CFAP100: variants seen among roughly 807,000 people sequenced by gnomAD.
CFAP100 encodes cilia and flagella associated protein 100.
In CFAP100, 70 loss-of-function variants were observed where a neutral mutation model predicts 81.5. That is an observed-to-expected ratio of 0.86 (90% CI 0.71 to 1.05). CFAP100 has a LOEUF of 1.05. Ranked by LOEUF, CFAP100 falls within the 50% of genes least tolerant of loss-of-function variation. The pLI is 0.00. For synonymous variants in CFAP100, 341 were observed against 314.8 expected, an observed-to-expected ratio of 1.08 and a Z score of -0.88; for missense variants, 811 against 776.5, an observed-to-expected ratio of 1.04 and a Z score of -0.53.
At chr3:126,426,242 C>T (rs1434682619) in intron 13 of CFAP100, among the ~76,000 whole-genome samples, 1 of 152,146 alleles carries the variant, frequency 6.6e-6, no homozygotes, top group African/African-American at 2.4e-5. Context: ...GCAGGAAGAT[C>T]ACTTGAGGCC....
chr3:126,396,057 C>T lies in CFAP100; in HGVS notation c.49+8C>T. 2 of 1,612,998 alleles carry T rather than the reference C, an allele frequency of 1.2e-6. No individual in the cohort carries two copies. Among genetic ancestry groups the T allele is most frequent in the South Asian group, 1.1e-5 (1 of 91,062 alleles). ...AGAACATGACCAATGACAGTAAGTA[C>T]CGGGCCAGGGTGGGCACTCTCAGAG... is the stretch of plus-strand genomic sequence containing the variant. On this transcript the variant is annotated splice_region_variant and intron_variant, in intron 2 of 16. Transcript: ENST00000352312.
chr3:126,414,457 G>T, intron 4 of CFAP100: 3 of 615,570 alleles, frequency 4.9e-6, no homozygotes, highest in South Asian at 1.9e-5. Flanking sequence ...CAGCCACCTC[G>T]CCGCCACTTC....
chr3:126,397,560 C>A (rs936457819), intron 2 of CFAP100, among the ~76,000 whole-genome samples: 1 of 152,132 alleles, frequency 6.6e-6, no homozygotes, highest in African/African-American at 2.4e-5. Context: ...GTTGGGGTAC[C>A]CTATGACCCT....
rs527421369 is a variant in CFAP100 at position 126,436,224 on chromosome 3, G to C, written c.1723-67G>C. ...AGCTGCTGGGCCTCTCCCTGCACCAGGGGCAGGGGTATATGGGCATACGGC... is the reference window on the plus strand; with the variant it reads ...AGCTGCTGGGCCTCTCCCTGCACCACGGGCAGGGGTATATGGGCATACGGC... On this transcript the variant is annotated intron_variant, in intron 16 of 16. Transcript: ENST00000352312. 2.3e-6 allele frequency: 3 copies of C among 1,277,870 alleles called. No homozygotes were observed. In the South Asian group the frequency reaches 3.7e-5, roughly 16 times the overall value. 79.2% of individuals were successfully genotyped at this position (1,277,870 alleles called of 1,614,324 possible). A position where few individuals can be genotyped will look rare whatever the true frequency, so the allele number is the denominator to read the frequency against.
chr3:126,420,356 G>A, intron 11 of CFAP100, 127 bp downstream of exon 11: 1 of 1,353,584 alleles, frequency 7.4e-7, no homozygotes, highest in East Asian at 2.4e-5. Context: ...CCTACTCCAA[G>A]AAGGGCCAGA....
chr3:126,419,037 C>T (rs993583490), intron 7 of CFAP100, 39 bp from the exon 8 acceptor site: 4 of 991,434 alleles, frequency 4.0e-6, no homozygotes, highest in East Asian at 2.6e-5. Context: ...CCACTGGCCC[C>T]TTGCCCCCAT....
At chr3:126,420,369 G>A in intron 11 of CFAP100, 140 bp downstream of exon 11, 1 of 1,274,220 alleles carries the variant, frequency 7.8e-7, no homozygotes, top group East Asian at 2.4e-5. Flanking sequence ...GGGCCAGACA[G>A]GGACGTCCCA....
chr3:126,423,216 G>C (rs1321624947), intron 11 of CFAP100, 109 bp from the exon 12 acceptor site: 1 of 851,272 alleles, frequency 1.2e-6, no homozygotes, highest in Non-Finnish European at 1.8e-6. Flanking sequence ...GCAGCTGGGA[G>C]AGGAGGGATG....
At chr3:126,432,091 T>C (rs1468492936) in intron 13 of CFAP100, among the ~76,000 whole-genome samples, 1 of 151,962 alleles carries the variant, frequency 6.6e-6, no homozygotes, top group Non-Finnish European at 1.5e-5. Flanking sequence ...CCATCCTGGC[T>C]AACACAGTGA....
chr3:126,419,687 A>T lies in CFAP100; in HGVS notation c.782A>T (p.Asp261Val). 1 of 1,614,048 alleles carries T rather than the reference A, an allele frequency of 6.2e-7. No homozygotes were observed. Among genetic ancestry groups the T allele is most frequent in the Non-Finnish European group, 8.5e-7 (1 of 1,180,026 alleles). Residue 261 changes from aspartate to valine, a missense_variant, in exon 9 of 17, where the codon GAT becomes GTT. Physicochemically the swap from Asp to Val is radical, Grantham distance 152. Transcript: ENST00000352312. ...DTLKHYKVYKDFLYKLSPKEW... is the reference protein window; with the variant it reads ...DTLKHYKVYKVFLYKLSPKEW... Reference sequence around the variant, plus strand: ...CTGAAGCATTACAAGGTCTATAAGGATTTCCTATACAAGCTGTCGCCCAAG... The same window carrying T: ...CTGAAGCATTACAAGGTCTATAAGGTTTTCCTATACAAGCTGTCGCCCAAG...
chr3:126,397,747 G>T (rs887303227), intron 2 of CFAP100, among the ~76,000 whole-genome samples: 3 of 152,244 alleles, frequency 2.0e-5, no homozygotes, highest in African/African-American at 7.2e-5. Flanking sequence ...CAGTCAAGAG[G>T]ACTGCTGAGC....
intron 9 of CFAP100, 32 bp from the exon 10 acceptor site, chr3:126,419,948 G>C: frequency 3.7e-6 from 6 of 1,612,838 alleles, no homozygotes; most frequent in Non-Finnish European, 5.1e-6. Context: ...CTGCAGCTGA[G>C]GCCATCGGGG....
chr3:126,434,378 T>A lies in CFAP100; in HGVS notation c.1625T>A (p.Ile542Asn), dbSNP rs750691033. The change falls in exon 15 of 17, where the codon ATC becomes AAC. Residue 542 changes from isoleucine (I) to asparagine (N), a missense_variant. Transcript: ENST00000352312. Reference sequence around the variant, plus strand: ...AGGGCAAAGGAGAAGGAGCGGCGCATCAGGTGAGCTCTAGGCTCTCCCTGC... The same window carrying A: ...AGGGCAAAGGAGAAGGAGCGGCGCAACAGGTGAGCTCTAGGCTCTCCCTGC... ...AERAKEKERRIRLREEKLQMQ... is the reference protein window; with the variant it reads ...AERAKEKERRNRLREEKLQMQ... The A allele has an allele frequency of 1.2e-6, 2 of 1,612,026 alleles. No individual in the cohort carries two copies. Among genetic ancestry groups the A allele is most frequent in the South Asian group, 1.1e-5 (1 of 90,746 alleles).
chr3:126,435,687 G>C, intron 16 of CFAP100, 35 bp downstream of exon 16: 1 of 1,563,836 alleles, frequency 6.4e-7, no homozygotes. Context: ...CTCTGCTGGA[G>C]GGGGTCCCAA....
chr3:126,405,733 C>G (rs1183978711), intron 2 of CFAP100, among the ~76,000 whole-genome samples: 40 of 152,110 alleles, frequency 2.6e-4, no homozygotes, highest in Admixed American at 2.6e-3. Context: ...TTCATCATAT[C>G]AATACATCAA....
Position 126,434,387 on chromosome 3 carries a change from C to T in CFAP100, c.1628+6C>T, listed in dbSNP as rs756662162. On this transcript the variant is annotated splice_donor_region_variant and intron_variant, in intron 15 of 16. Coordinates refer to ENST00000352312, the MANE Select transcript of CFAP100 (RefSeq NM_182628.3). ...GAGAAGGAGCGGCGCATCAGGTGAGCTCTAGGCTCTCCCTGCCAGCTGCTG... is the reference window on the plus strand; with the variant it reads ...GAGAAGGAGCGGCGCATCAGGTGAGTTCTAGGCTCTCCCTGCCAGCTGCTG... 3.1e-6 allele frequency: 5 copies of T among 1,608,158 alleles called. No homozygotes were observed. The highest frequency in any genetic ancestry group is 3.3e-5 in the Admixed American group (2 of 59,746).
chr3:126,434,208 G>A lies in CFAP100; in HGVS notation c.1455G>A (p.Val485=). The A allele has an allele frequency of 1.2e-6, 2 of 1,613,700 alleles. No homozygotes were observed. Among genetic ancestry groups the A allele is most frequent in the Non-Finnish European group, 1.7e-6 (2 of 1,179,902 alleles). The change falls in exon 15 of 17, where the codon GTG becomes GTA. Residue 485 remains valine (V), a synonymous_variant. Transcript: ENST00000352312. ...TGCTAGAGAGCCTGAACTGCAAGGT[G>A]CTGGATGTGTACCGGCACTGCACCG... ...DKLLESLNCK[V]LDVYRHCTGT...
chr3:126,398,453 C>T (rs556717096), intron 2 of CFAP100, among the ~76,000 whole-genome samples: 1 of 152,340 alleles, frequency 6.6e-6, no homozygotes, highest in East Asian at 1.9e-4. Flanking sequence ...GAGAGGCTTG[C>T]CCCTGCTGAA....
chr3:126,436,337 T>C lies in CFAP100; in HGVS notation c.1769T>C (p.Ile590Thr). Residue 590 changes from isoleucine to threonine, a missense_variant, in exon 17 of 17, where the codon ATC becomes ACC. Coordinates refer to ENST00000352312, the MANE Select transcript of CFAP100 (RefSeq NM_182628.3). ...VCRSRPPAHR[I>T]KQQSEHTLMD... ...CGCTCACGACCCCCAGCCCACAGGA[T>C]CAAACAACAGTCTGAGCACACACTG... The C allele has an allele frequency of 6.2e-7, 1 of 1,614,024 alleles. No individual in the cohort carries two copies.
Sources: allele counts gnomAD v4.1 joint callset (sites outside exome capture counted in the v4.1 genomes callset), GRCh38; gene constraint gnomAD v4.1.1; transcripts MANE v1.5; gene names NCBI Gene and HGNC (gene_info 2026-07-23, HGNC 2026-07-21).